SLC8A1: variants seen among roughly 807,000 people sequenced by gnomAD.
SLC8A1 encodes the protein solute carrier family 8 member A1, also known as sodium/calcium exchanger 1.
In SLC8A1, 18 loss-of-function variants were observed where a neutral mutation model predicts 68.3. The observed-to-expected ratio is 0.26, with a 90% CI of 0.18 to 0.39. SLC8A1 has a LOEUF of 0.39. Among genes scored for constraint, SLC8A1 ranks in the 10% least tolerant of loss-of-function variants. SLC8A1 has a pLI of 1.00. For missense variants in SLC8A1, 985 were observed against 1,156.7 expected, an observed-to-expected ratio of 0.85 and a Z score of 2.15; for synonymous variants, 475 against 415.5, an observed-to-expected ratio of 1.14 and a Z score of -1.74.
intron 2 of SLC8A1, among the ~76,000 whole-genome samples, chr2:40,372,540 G>T (rs900025936): frequency 6.6e-6 from 1 of 152,066 alleles, no homozygotes; most frequent in East Asian, 1.9e-4. Context: ...GGGCTTGACC[G>T]CCCCATGAAG....
At chr2:40,385,909 A>C (rs1211150477) in intron 2 of SLC8A1, among the ~76,000 whole-genome samples, 1 of 151,396 alleles carries the variant, frequency 6.6e-6, no homozygotes, top group Non-Finnish European at 1.5e-5. Flanking sequence ...ATATTATTCC[A>C]CCACTACAAA....
intron 2 of SLC8A1, among the ~76,000 whole-genome samples, chr2:40,218,479 C>T (rs1006629241): frequency 6.6e-6 from 1 of 152,108 alleles, no homozygotes; most frequent in Non-Finnish European, 1.5e-5. Flanking sequence ...TTTACAATTA[C>T]TTTTTAACAT....
At chr2:40,423,344 T>C (rs1340134788) in intron 2 of SLC8A1, among the ~76,000 whole-genome samples, 1 of 152,118 alleles carries the variant, frequency 6.6e-6, no homozygotes, top group East Asian at 1.9e-4. Flanking sequence ...GTCTTTAAAA[T>C]GAAATTTGTA....
intron 2 of SLC8A1, among the ~76,000 whole-genome samples, chr2:40,180,512 C>G (rs2049303812): frequency 6.6e-6 from 1 of 152,134 alleles, no homozygotes; most frequent in South Asian, 2.1e-4. Context: ...TACATTTCTA[C>G]AAAAACAAAC....
chr2:40,201,741 A>T (rs1394283346), intron 2 of SLC8A1, among the ~76,000 whole-genome samples: 5 of 151,946 alleles, frequency 3.3e-5, no homozygotes, highest in African/African-American at 1.2e-4. Context: ...ACCCTGAAGA[A>T]GACTTCTTGT....
At chr2:40,365,836 A>C (rs1057228273) in intron 2 of SLC8A1, among the ~76,000 whole-genome samples, 32 of 151,906 alleles carry the variant, frequency 2.1e-4, no homozygotes, top group African/African-American at 7.2e-4. Context: ...TCTCACCTCT[A>C]CAAAAAATTA....
intron 2 of SLC8A1, among the ~76,000 whole-genome samples, chr2:40,334,240 C>T (rs1473071813): frequency 2.0e-5 from 3 of 152,204 alleles, no homozygotes; most frequent in East Asian, 1.9e-4. Context: ...CTCTGCATTC[C>T]AGTCCAATGT....
intron 2 of SLC8A1, among the ~76,000 whole-genome samples, chr2:40,223,196 A>T (rs556162214): frequency 6.6e-6 from 1 of 152,366 alleles, no homozygotes; most frequent in East Asian, 1.9e-4. Context: ...ATAAAAAAGG[A>T]TGAGTTCATG....
intron 2 of SLC8A1, among the ~76,000 whole-genome samples, chr2:40,325,593 C>T (rs1397800678): frequency 2.0e-5 from 3 of 151,592 alleles, no homozygotes; most frequent in Non-Finnish European, 4.4e-5. Context: ...TCTTTCAGAT[C>T]CAGTCTTAAA....
intron 2 of SLC8A1, among the ~76,000 whole-genome samples, chr2:40,201,767 T>C (rs2054410297): frequency 6.6e-6 from 1 of 151,896 alleles, no homozygotes; most frequent in African/African-American, 2.4e-5. Context: ...TTTGCATGAG[T>C]TCTTGGTCCC....
chr2:40,117,577 A>AT (rs1319489894), intron 7 of SLC8A1, among the ~76,000 whole-genome samples: 1 of 151,854 alleles, frequency 6.6e-6, no homozygotes, highest in Non-Finnish European at 1.5e-5. Flanking sequence ...AAAAAAAAAA[A>AT]AAATCAAATA....
intron 2 of SLC8A1, among the ~76,000 whole-genome samples, chr2:40,414,032 A>C (rs1693042167): frequency 6.6e-6 from 1 of 152,166 alleles, no homozygotes; most frequent in Non-Finnish European, 1.5e-5. Flanking sequence ...GAATAACCTA[A>C]CATTAAATGG....
intron 7 of SLC8A1, among the ~76,000 whole-genome samples, chr2:40,121,541 C>A (rs2036811690): frequency 6.6e-6 from 1 of 152,022 alleles, no homozygotes; most frequent in South Asian, 2.1e-4. Flanking sequence ...TTTTTTTAAA[C>A]CCTATTCCAG....
chr2:40,490,533 G>A (rs1197996588), intron 1 of SLC8A1, among the ~76,000 whole-genome samples: 2 of 152,226 alleles, frequency 1.3e-5, no homozygotes, highest in East Asian at 3.9e-4. Context: ...AAAAGTGAGT[G>A]TCCTTTAGGT....
At chr2:40,344,589 A>T (rs555820140) in intron 2 of SLC8A1, among the ~76,000 whole-genome samples, 1 of 152,178 alleles carries the variant, frequency 6.6e-6, no homozygotes, top group Non-Finnish European at 1.5e-5. Context: ...TCTGGGAGAA[A>T]TGTACTCAAA....
intron 2 of SLC8A1, among the ~76,000 whole-genome samples, chr2:40,271,645 G>A (rs910385829): frequency 6.6e-6 from 1 of 152,150 alleles, no homozygotes; most frequent in Non-Finnish European, 1.5e-5. Flanking sequence ...AACTCCCTGG[G>A]AGCCAAGAAC....
At chr2:40,292,898 T>A (rs571684973) in intron 2 of SLC8A1, among the ~76,000 whole-genome samples, 1 of 152,258 alleles carries the variant, frequency 6.6e-6, no homozygotes, top group East Asian at 1.9e-4. Flanking sequence ...AGGTAGGGCA[T>A]AGAGAATACG....
intron 1 of SLC8A1, among the ~76,000 whole-genome samples, chr2:40,451,534 G>A (rs984080755): frequency 6.6e-6 from 1 of 152,158 alleles, no homozygotes; most frequent in Non-Finnish European, 1.5e-5. Context: ...TGCATTCGGG[G>A]TGGACTTAGC....
At position 40,485,062 on chromosome 2, in the gene SLC8A1, T is replaced by G. The variant is rs995309887; in HGVS notation, c.-25+27287A>C. ...AAGAGCTTGCTGGCCTTTTCTTATTTCTATTGCTTCTTTCCCTTCCCCAGC... is the reference window on the plus strand; with the variant it reads ...AAGAGCTTGCTGGCCTTTTCTTATTGCTATTGCTTCTTTCCCTTCCCCAGC... On this transcript the variant is annotated intron_variant, in intron 1 of 7. Coordinates refer to the SLC8A1 transcript ENST00000402441. Among the ~76,000 whole-genome samples, 6 of 152,266 alleles carry G rather than the reference T, an allele frequency of 3.9e-5. No individual in the cohort carries two copies. In the East Asian group the frequency reaches 9.7e-4, roughly 25 times the overall value.
Sources: allele counts gnomAD v4.1 joint callset (sites outside exome capture counted in the v4.1 genomes callset), GRCh38; gene constraint gnomAD v4.1.1; transcripts MANE v1.5; gene names NCBI Gene and HGNC (gene_info 2026-07-23, HGNC 2026-07-21).